Variants in SMC1A observed in about 807,000 individuals in gnomAD.
SMC1A encodes the protein structural maintenance of chromosomes protein 1A.
SMC1A carries 4 observed loss-of-function variants against 94.5 expected under a neutral mutation model. The ratio of observed to expected loss-of-function variants is 0.04; its 90% confidence interval spans 0.02 to 0.10. The LOEUF is 0.10. Ranked by LOEUF, SMC1A falls within the 10% of genes least tolerant of loss-of-function variation. The pLI is 1.00. For missense variants in SMC1A, 304 were observed against 989.0 expected (o/e 0.31, Z 9.29); for synonymous variants, 345 against 347.7 (o/e 0.99, Z 0.09).
intron 1 of SMC1A, 140 bp from the exon 2 acceptor site, chrX:53,415,309 C>T (rs1384075362): frequency 3.2e-5 from 17 of 535,790 alleles, no homozygotes; most frequent in Non-Finnish European, 4.7e-5. Flanking sequence ...ACTCCTCTGT[C>T]CCCATAAAGA....
At position 53,377,995 on chromosome X, in the gene SMC1A, T is replaced by C. The variant is rs1001164920; in HGVS notation, c.*2108A>G. The C allele has an allele frequency of 2.7e-5, 3 of 112,266 alleles. No homozygotes were observed. The highest frequency in any genetic ancestry group is 9.7e-5 in the African/African-American group (3 of 30,806). The allele number at this position is 112,266 out of a possible 1,213,427, so 9.3% of individuals were successfully genotyped here. A position where few individuals can be genotyped will look rare whatever the true frequency, so the allele number is the denominator to read the frequency against. ...AATTTATTTTGTTTTGATAGTTATG[T>C]CTTTTAATATGTATTAGAAGAATAC... On this transcript the variant is annotated 3_prime_UTR_variant, in exon 25 of 25. Coordinates refer to ENST00000322213, the MANE Select transcript of SMC1A (RefSeq NM_006306.4).
At chrX:53,414,090 AAAAC>A (rs1192771998) in intron 3 of SMC1A, among the ~76,000 whole-genome samples, 3 of 110,229 alleles carry the variant, frequency 2.7e-5, no homozygotes, top group Non-Finnish European at 3.8e-5. Flanking sequence ...AAAAAAAAAA[AAAAC>A]AAGAACAAAA....
intron 15 of SMC1A, among the ~76,000 whole-genome samples, chrX:53,402,554 A>T (rs2075674055): frequency 1.1e-5 from 1 of 95,236 alleles, no homozygotes; most frequent in Non-Finnish European, 2.1e-5. Flanking sequence ...TAAAAAGGTT[A>T]AAAAAAAAAA....
Position 53,377,738 on chromosome X carries a change from T to G in SMC1A, c.*2365A>C, listed in dbSNP as rs919941143. 9.0e-6 allele frequency: 1 copy of G among 111,123 alleles called. No homozygotes were observed. The highest frequency in any genetic ancestry group is 1.9e-5 in the Non-Finnish European group (1 of 53,043). The allele number at this position is 111,123 out of a possible 1,213,427, so 9.2% of individuals were successfully genotyped here. A position where few individuals can be genotyped will look rare whatever the true frequency, so the allele number is the denominator to read the frequency against. ...TCTAGATGCCAGCCAAATTGCTTCA[T>G]ATATATTTAATTTTCTCTTTGCTTC... On this transcript the variant is annotated 3_prime_UTR_variant, in exon 25 of 25. Coordinates refer to ENST00000322213, the MANE Select transcript of SMC1A (RefSeq NM_006306.4).
rs2075560563 is a variant in SMC1A, at chrX:53,376,581, G to C, written c.*3522C>G. On this transcript the variant is annotated 3_prime_UTR_variant, in exon 25 of 25. Transcript: ENST00000322213. ...CCACCCCAGGAATCTTCATGCTTCA[G>C]TATTTGTTTTGCTGTTTCTTGCCTT... 1 of 111,480 alleles carries C rather than the reference G, an allele frequency of 9.0e-6. No homozygotes were observed. Among genetic ancestry groups the C allele is most frequent in the African/African-American group, 3.3e-5 (1 of 30,600 alleles). The allele number at this position is 111,480 out of a possible 1,213,427, so 9.2% of individuals were successfully genotyped here.
intron 19 of SMC1A, among the ~76,000 whole-genome samples, chrX:53,383,744 G>A (rs2075594168): frequency 8.9e-6 from 1 of 112,448 alleles, no homozygotes; most frequent in Admixed American, 9.4e-5. Context: ...TGCATGTCTG[G>A]GCTTGTGCCT....
chrX:53,392,458 A>AT (rs1227012741), intron 19 of SMC1A, among the ~76,000 whole-genome samples: 1 of 108,346 alleles, frequency 9.2e-6, no homozygotes, highest in Admixed American at 9.8e-5. Flanking sequence ...ATCCCTGTGC[A>AT]TTTTTTTTTG....
chrX:53,412,468 A>G (rs1216547390), intron 5 of SMC1A, among the ~76,000 whole-genome samples: 1 of 112,306 alleles, frequency 8.9e-6, no homozygotes, highest in Non-Finnish European at 1.9e-5. Context: ...GCCACTCCAT[A>G]AGGCAAAGCT....
chrX:53,397,061 GTTGT>G (rs1906595187), intron 16 of SMC1A, among the ~76,000 whole-genome samples: 1 of 99,683 alleles, frequency 1.0e-5, no homozygotes, highest in Non-Finnish European at 2.1e-5. Flanking sequence ...ATTTGTTGTT[GTTGT>G]TTTTTTTTTA....
chrX:53,408,172 T>C (rs1228971560), intron 9 of SMC1A, among the ~76,000 whole-genome samples: 2 of 111,158 alleles, frequency 1.8e-5, no homozygotes, highest in African/African-American at 3.3e-5. Flanking sequence ...CTACTAAAAA[T>C]ACAAAAAAAT....
At chrX:53,415,961 C>T (rs1244663535) in intron 1 of SMC1A, among the ~76,000 whole-genome samples, 1 of 110,767 alleles carries the variant, frequency 9.0e-6, no homozygotes, top group African/African-American at 3.3e-5. Flanking sequence ...GGACAAAAGC[C>T]CACAATAGGT....
intron 1 of SMC1A, among the ~76,000 whole-genome samples, chrX:53,415,413 C>T (rs138333220): frequency 1.8e-5 from 2 of 110,888 alleles, no homozygotes; most frequent in East Asian, 2.8e-4. Context: ...CCAGGATAAG[C>T]GTAGTGACTC....
Position 53,420,453 on chromosome X carries a change from G to A in SMC1A, c.109+2039C>T, listed in dbSNP as rs370699545. Among the ~76,000 whole-genome samples the A allele has an allele frequency of 7.3e-5, 8 of 108,987 alleles. No homozygotes were observed. In the East Asian group the frequency reaches 8.5e-4, roughly 12 times the overall value. The allele number at this position is 108,987 out of a possible 115,157, so 94.6% of individuals were successfully genotyped here. ...GCACGAGAATCACTTGAACCCAAGA[G>A]GCAGAGGTTGCAGTGAGCCAACATC... On this transcript the variant is annotated intron_variant, in intron 1 of 24. Transcript: ENST00000322213.
In SMC1A at chrX:53,378,483, AAC is replaced by A. The variant is rs1556885491; in HGVS notation, c.*1618_*1619del. The A allele has an allele frequency of 1.8e-5, 2 of 112,646 alleles. No homozygotes were observed. The highest frequency in any genetic ancestry group is 3.7e-5 in the Non-Finnish European group (2 of 53,355). 9.3% of individuals were successfully genotyped at this position (112,646 alleles called of 1,213,427 possible). ...ACAATTCAATATATCATTTGCATTA[AAC>A]ACACAATATTTCCAATGAGTTCACA... On this transcript the variant is annotated 3_prime_UTR_variant, in exon 25 of 25. Coordinates refer to ENST00000322213, the MANE Select transcript of SMC1A (RefSeq NM_006306.4).
At chrX:53,396,682 T>G in intron 16 of SMC1A, 65 bp from the exon 17 acceptor site, 1 of 1,128,586 alleles carries the variant, frequency 8.9e-7, no homozygotes, top group Non-Finnish European at 1.2e-6. Context: ...TGGGATATTC[T>G]CCTGCTCCCA....
chrX:53,380,116 G>C lies in SMC1A; in HGVS notation c.3689C>G (p.Pro1230Arg). 1 of 1,204,033 alleles carries C rather than the reference G, an allele frequency of 8.3e-7. No homozygotes were observed. Among genetic ancestry groups the C allele is most frequent in the Non-Finnish European group, 1.1e-6 (1 of 889,324 alleles). ...LTKYPDANPN[P>R]NEQ ...GCAAAAATACTGCTACTGCTCATTG[G>C]GGTTGGGGTTGGCATCTGGGTACTT... is the stretch of plus-strand genomic sequence containing the variant. The change falls in exon 25 of 25, where the codon CCC becomes CGC. Residue 1230 changes from proline to arginine, a missense_variant. Physicochemically the swap from Pro to Arg is moderately radical, Grantham distance 103 (BLOSUM62 -2). Coordinates refer to ENST00000322213, the MANE Select transcript of SMC1A (RefSeq NM_006306.4).
At chrX:53,388,620 T>C (rs947680168) in intron 19 of SMC1A, among the ~76,000 whole-genome samples, 1 of 109,328 alleles carries the variant, frequency 9.1e-6, no homozygotes, top group Non-Finnish European at 1.9e-5. Context: ...GAAATCATAC[T>C]CCTGAGGACA....
At chrX:53,412,400 G>GA in intron 5 of SMC1A, 147 bp from the exon 6 acceptor site, 2 of 562,167 alleles carry the variant, frequency 3.6e-6, no homozygotes, top group East Asian at 3.5e-5. Flanking sequence ...CACAGATCCT[G>GA]AAAAAAAGGG....
chrX:53,409,604 G>A (rs782131860), intron 7 of SMC1A, 101 bp from the exon 8 acceptor site: 12 of 640,790 alleles, frequency 1.9e-5, no homozygotes, highest in African/African-American at 8.7e-5. Context: ...TCCAAGAGCC[G>A]AACAGTCCAG....
Sources: allele counts gnomAD v4.1 joint callset (sites outside exome capture counted in the v4.1 genomes callset), GRCh38; gene constraint gnomAD v4.1.1; transcripts MANE v1.5; gene names NCBI Gene and HGNC (gene_info 2026-07-23, HGNC 2026-07-21).